TACC2: variants seen among roughly 807,000 people sequenced by gnomAD.
TACC2 encodes the protein transforming acidic coiled-coil-containing protein 2.
Under a neutral mutation model 227.3 loss-of-function variants are expected in TACC2, and 137 were observed. The ratio of observed to expected loss-of-function variants is 0.60; its 90% CI spans 0.52 to 0.69. TACC2 has a LOEUF of 0.69. TACC2 is among the 30% of genes least tolerant of loss of function. The probability of loss-of-function intolerance (pLI) is 0.00; values close to 1 mark genes in which losing one functional copy is unlikely to be tolerated. For missense variants in TACC2, 3,470 were observed against 3,694.4 expected (o/e 0.94, Z 1.57); for synonymous variants, 1,523 against 1,487.5 (o/e 1.02, Z -0.55).
chr10:122,237,457 G>A lies in TACC2; in HGVS notation c.8190G>A (p.Gly2730=). The A allele has an allele frequency of 6.2e-7, 1 of 1,614,070 alleles. No individual in the cohort carries two copies. The highest frequency in any genetic ancestry group is 8.5e-7 in the Non-Finnish European group (1 of 1,180,004). Residue 2730 remains glycine (G), a synonymous_variant, in exon 17 of 23, where the codon GGG becomes GGA. Transcript: ENST00000369005. Reference sequence around the variant, plus strand: ...AAACAGCCTTGTACTCCCGCATCGGGACCGCTGAGGTGGAGAAACCTGCAG... The same window carrying A: ...AAACAGCCTTGTACTCCCGCATCGGAACCGCTGAGGTGGAGAAACCTGCAG... ...ISKTALYSRI[G]TAEVEKPAGL... is the part of the protein sequence containing the mutation.
At chr10:122,185,986 A>G (rs183313881) in intron 7 of TACC2, among the ~76,000 whole-genome samples, 162 of 152,164 alleles carry the variant, frequency 1.1e-3, no homozygotes, top group Non-Finnish European at 1.5e-3. Flanking sequence ...GCCGGAGTGC[A>G]GTGGTGTGAT....
chr10:122,195,481 C>T (rs2094536358), intron 8 of TACC2, among the ~76,000 whole-genome samples: 1 of 152,148 alleles, frequency 6.6e-6, no homozygotes, highest in African/African-American at 2.4e-5. Flanking sequence ...GCCCCTTGCT[C>T]TTTTAAGAAC....
chr10:122,220,240 A>G (rs886446324), intron 11 of TACC2, among the ~76,000 whole-genome samples: 7 of 152,106 alleles, frequency 4.6e-5, no homozygotes, highest in Non-Finnish European at 1.0e-4. Context: ...TCTACATTGT[A>G]CTAAAACAGA....
At chr10:122,068,551 A>G (rs2461230) in intron 3 of TACC2, among the ~76,000 whole-genome samples, 139,026 of 152,206 alleles carry the variant, frequency 0.91, 64,392 homozygotes, top group East Asian at 1. Context: ...CAATACTGAG[A>G]CAAAACCTGC....
chr10:122,066,220 G>A (rs1258578276), intron 3 of TACC2, among the ~76,000 whole-genome samples: 2 of 150,266 alleles, frequency 1.3e-5, no homozygotes, highest in African/African-American at 4.9e-5. Context: ...TGATTCTCCT[G>A]CCTCAGCCCC....
At chr10:122,009,511 G>A (rs1207257091) in intron 1 of TACC2, among the ~76,000 whole-genome samples, 1 of 152,020 alleles carries the variant, frequency 6.6e-6, no homozygotes, top group East Asian at 1.9e-4. Flanking sequence ...CTCAACAAAA[G>A]CCCACAAAAA....
intron 5 of TACC2, among the ~76,000 whole-genome samples, chr10:122,099,429 G>A (rs2081890915): frequency 6.6e-6 from 1 of 152,144 alleles, no homozygotes. Context: ...TTGAGATGAG[G>A]TACCACCTCA....
In TACC2 at chr10:122,210,387, G is replaced by A. The variant is rs2095263712; in HGVS notation, c.5972-10G>A. The A allele has an allele frequency of 1.2e-6, 2 of 1,608,824 alleles. No individual in the cohort carries two copies. The highest frequency in any genetic ancestry group is 1.7e-6 in the Non-Finnish European group (2 of 1,175,292). ...GTCTGTAATTGATGGCGTTGTCTGT[G>A]TTTCCCCAGGATGTGGTTCTGAGAC... On this transcript the variant is annotated splice_polypyrimidine_tract_variant and intron_variant, in intron 8 of 22. Transcript: ENST00000369005. This position sits in a 1 kb window ranked among gnomAD's most constrained non-coding sequence, Gnocchi z 4.6.
At chr10:122,144,967 G>A (rs1335776332) in intron 7 of TACC2, among the ~76,000 whole-genome samples, 1 of 152,186 alleles carries the variant, frequency 6.6e-6, no homozygotes, top group Non-Finnish European at 1.5e-5. Flanking sequence ...CTGCTTTTCT[G>A]CTGGTGAGAT....
rs771921628 is a variant in TACC2, at chr10:122,050,481, G to A, written c.77G>A (p.Gly26Glu). The change falls in exon 3 of 23, where the codon GGG becomes GAG. Residue 26 changes from glycine (G) to glutamate (E), a missense_variant. Gly to Glu is a moderately conservative substitution (Grantham distance 98). This residue lies in a region of TACC2 where 405 missense variants were observed against 389.6 expected (regional missense o/e 1.04). Transcript: ENST00000369005. The surrounding 1 kb of genome is among the most constrained non-coding windows in gnomAD (Gnocchi z 4.6). ...ACTCCAAGGTCCGCGCAGCCACCCG[G>A]GAACAGTCAGAATATAAAAAGGAAG... is the stretch of plus-strand genomic sequence containing the variant. ...AQTPRSAQPP[G>E]NSQNIKRKQQ... The A allele has an allele frequency of 3.1e-6, 5 of 1,613,906 alleles. No homozygotes were observed. The Admixed American group carries it at 6.7e-5, about 22-fold the overall frequency.
intron 5 of TACC2, among the ~76,000 whole-genome samples, chr10:122,115,765 AT>A (rs932399009): frequency 2.9e-3 from 423 of 147,374 alleles, no homozygotes; most frequent in African/African-American, 8.7e-3. Context: ...GTGTGGGTGT[AT>A]TTTTTTTTTT....
At chr10:122,073,205 C>G (rs2078349617) in intron 3 of TACC2, among the ~76,000 whole-genome samples, 1 of 146,188 alleles carries the variant, frequency 6.8e-6, no homozygotes, top group Non-Finnish European at 1.5e-5. Flanking sequence ...TTGGGGGGAT[C>G]CAAATCAAGA....
rs1183848172 is a variant in TACC2, at chr10:122,085,323, G to A, written c.2823G>A (p.Leu941=). The A allele has an allele frequency of 2.5e-6, 4 of 1,613,964 alleles. No homozygotes were observed. In the South Asian group the frequency reaches 4.4e-5, roughly 18 times the overall value. Residue 941 remains leucine (L), a synonymous_variant, in exon 4 of 23, where the codon TTG becomes TTA. Transcript: ENST00000369005. The part of the protein sequence containing the change: ...SELSAPTRQK[L]PALGEKRPEG... ...TGTCAGCACCAACGAGACAGAAGTT[G>A]CCTGCACTAGGGGAGAAGCGGCCAG...
intron 1 of TACC2, among the ~76,000 whole-genome samples, chr10:122,008,488 G>A (rs1224417667): frequency 2.6e-5 from 4 of 151,766 alleles, no homozygotes; most frequent in Non-Finnish European, 5.9e-5. Flanking sequence ...TCGAACTCCC[G>A]ACCTCAGGTG....
At chr10:122,015,191 C>T (rs551986670) in intron 1 of TACC2, among the ~76,000 whole-genome samples, 2 of 151,956 alleles carry the variant, frequency 1.3e-5, no homozygotes, top group South Asian at 2.1e-4. Flanking sequence ...GAGCTTGGCA[C>T]ATTAAAAAAA....
chr10:121,991,620 T>C (rs1444124142), intron 1 of TACC2, among the ~76,000 whole-genome samples: 1 of 152,234 alleles, frequency 6.6e-6, no homozygotes, highest in East Asian at 1.9e-4. Context: ...ACTGTTGCTG[T>C]ATGGTGGCAC....
chr10:122,251,199 A>G (rs1158408421), intron 22 of TACC2, among the ~76,000 whole-genome samples: 1 of 152,166 alleles, frequency 6.6e-6, no homozygotes, highest in African/African-American at 2.4e-5. Flanking sequence ...TGCTGGGATT[A>G]TAGGTGTGAC....
In TACC2 at chr10:122,085,550, C is replaced by T; in HGVS notation, c.3050C>T (p.Ala1017Val). ...HEEACQRHPG[A>V]SEAADGCSPL... ...GAAGCATGTCAAAGGCATCCAGGAG[C>T]TTCTGAAGCAGCTGATGGTTGTTCC... The change falls in exon 4 of 23, where the codon GCT (alanine) becomes GTT (valine). Residue 1017 changes from alanine to valine, a missense_variant. Around this residue, in one of 10 missense-constraint regions of TACC2, gnomAD observed 1,924 missense variants for 1,978.3 expected, o/e 0.97. Transcript: ENST00000369005. 5 of 1,613,338 alleles carry T rather than the reference C, an allele frequency of 3.1e-6. No homozygotes were observed. Among genetic ancestry groups the T allele is most frequent in the Non-Finnish European group, 4.2e-6 (5 of 1,180,050 alleles).
chr10:121,993,329 T>A lies in TACC2; in HGVS notation c.-46+3841T>A, dbSNP rs559099081. Among the ~76,000 whole-genome samples, 276 of 152,316 alleles carry A rather than the reference T, an allele frequency of 1.8e-3. 1 individual carries two copies. The highest frequency in any genetic ancestry group is 5.9e-3 in the African/African-American group (245 of 41,572). On this transcript the variant is annotated intron_variant, in intron 1 of 22. Coordinates refer to ENST00000369005, the MANE Select transcript of TACC2 (RefSeq NM_206862.4). ...CTGAATACTAGAATAATTTTGAAAATTAAATATTTCCGATGAAAATTAGAT... is the reference window on the plus strand; with the variant it reads ...CTGAATACTAGAATAATTTTGAAAAATAAATATTTCCGATGAAAATTAGAT...
Sources: gnomAD v4.1 joint callset for allele counts (sites outside exome capture counted in the v4.1 genomes callset) on GRCh38, gnomAD v4.1.1 for gene constraint, gnomAD v4.1.1 regional missense constraint, Gnocchi (gnomAD v3.1) non-coding constraint, MANE v1.5 for transcripts, NCBI Gene and HGNC (gene_info 2026-07-23, HGNC 2026-07-21) for gene names.